The following MED13 variants were observed in gnomAD, a reference collection of about 807,000 sequenced individuals.
MED13 encodes the protein mediator of RNA polymerase II transcription subunit 13.
A neutral mutation model predicts 225.2 loss-of-function variants in MED13; 23 were observed. The ratio of observed to expected loss-of-function variants is 0.10; its 90% CI spans 0.07 to 0.14. The LOEUF is 0.14. Among genes scored for constraint, MED13 ranks in the 10% least tolerant of loss-of-function variants. The pLI is 1.00. For missense variants in MED13, 2,197 were observed against 2,594.5 expected (o/e 0.85, Z 3.33); for synonymous variants, 942 against 889.2 (o/e 1.06, Z -1.06).
chr17:62,023,964 T>A (rs753603056), intron 8 of MED13, among the ~76,000 whole-genome samples: 1 of 152,230 alleles, frequency 6.6e-6, no homozygotes, highest in Non-Finnish European at 1.5e-5. Flanking sequence ...ATGTAAAATT[T>A]TAGCATATTA....
At chr17:62,029,746 G>T in intron 7 of MED13, 95 bp from the exon 8 acceptor site, 1 of 1,500,356 alleles carries the variant, frequency 6.7e-7, no homozygotes, top group Non-Finnish European at 9.1e-7. Flanking sequence ...TCAACATTAT[G>T]AGTTAAAGAA....
rs2079838970 is a variant in MED13 at position 61,944,612 on chromosome 17, G to GTT, written c.*1854_*1855dup. The GTT allele has an allele frequency of 3.9e-5, 6 of 151,932 alleles. No individual in the cohort carries two copies. The highest frequency in any genetic ancestry group is 3.9e-4 in the Admixed American group (6 of 15,236). The allele number at this position is 151,932 out of a possible 1,614,324, so 9.4% of individuals were successfully genotyped here. A position where few individuals can be genotyped will look rare whatever the true frequency, so the allele number is the denominator to read the frequency against. ...GTTTTCATATACACAATCTGAAGAA[G>GTT]TTATGTTGTTCATAAGAAAGTGATA... is the stretch of plus-strand genomic sequence containing the variant. On this transcript the variant is annotated 3_prime_UTR_variant, in exon 30 of 30. Transcript: ENST00000397786.
intron 8 of MED13, among the ~76,000 whole-genome samples, chr17:62,016,954 T>C (rs534912538): frequency 3.3e-5 from 5 of 151,778 alleles, no homozygotes; most frequent in Admixed American, 2.0e-4. Flanking sequence ...AGGTTGCAAG[T>C]GAGCCAAGAT....
intron 15 of MED13, 41 bp downstream of exon 15, chr17:61,984,130 G>T: frequency 7.5e-7 from 1 of 1,329,842 alleles, no homozygotes; most frequent in Non-Finnish European, 9.9e-7. Flanking sequence ...AATTAAAGCT[G>T]TATAAGCAGT....
At chr17:61,957,013 A>G (rs918452357) in intron 23 of MED13, among the ~76,000 whole-genome samples, 5 of 152,168 alleles carry the variant, frequency 3.3e-5, no homozygotes, top group Non-Finnish European at 7.4e-5. Context: ...TTGTCTATAA[A>G]ACACCTCAAT....
chr17:62,044,609 G>A (rs1347431563), intron 3 of MED13, among the ~76,000 whole-genome samples: 1 of 152,094 alleles, frequency 6.6e-6, no homozygotes, highest in Admixed American at 6.6e-5. Context: ...ATGTCTATAT[G>A]TATACACATA....
At chr17:62,063,358 A>C (rs1194792905) in intron 1 of MED13, 57 bp from the exon 2 acceptor site, 1 of 1,096,772 alleles carries the variant, frequency 9.1e-7, no homozygotes, top group Non-Finnish European at 1.4e-6. Context: ...AGTCAAAAGT[A>C]CTCAATATGA....
intron 11 of MED13, among the ~76,000 whole-genome samples, chr17:61,992,226 T>C (rs2080305736): frequency 6.6e-6 from 1 of 152,214 alleles, no homozygotes; most frequent in African/African-American, 2.4e-5. Context: ...GCCTTCATTC[T>C]TTTACTTCCT....
intron 20 of MED13, among the ~76,000 whole-genome samples, chr17:61,963,215 A>C (rs943940226): frequency 6.9e-6 from 1 of 144,118 alleles, no homozygotes; most frequent in African/African-American, 2.7e-5. Flanking sequence ...AAAAAAAAAA[A>C]AAAAAAAAAA....
rs2080336675 is a variant in MED13 at position 61,995,168 on chromosome 17, G to A, written c.2165C>T (p.Ala722Val). Residue 722 changes from alanine (A) to valine (V), a missense_variant, in exon 10 of 30, where the codon GCT becomes GTT. By Grantham distance (64) the Ala-to-Val change is moderately conservative. This residue lies in a region of MED13 where 884 missense variants were observed against 918.5 expected (regional missense o/e 0.96). Transcript: ENST00000397786. ...KKDRQNSERE[A>V]GKKHKVEDGT... is the part of the protein sequence containing the mutation. ...TTCTCTTACCTTGTGTTTTTTTCCA[G>A]CTTCTCTCTCACTATTTTGTCTATC... 1 of 1,612,306 alleles carries A rather than the reference G, an allele frequency of 6.2e-7. No homozygotes were observed. Among genetic ancestry groups the A allele is most frequent in the Non-Finnish European group, 8.5e-7 (1 of 1,179,294 alleles).
At chr17:61,964,796 C>T (rs1200155221) in intron 20 of MED13, among the ~76,000 whole-genome samples, 2 of 151,836 alleles carry the variant, frequency 1.3e-5, no homozygotes, top group African/African-American at 2.4e-5. Flanking sequence ...ATTAGCCAGG[C>T]GTGGTGGCAC....
chr17:61,965,110 C>T lies in MED13; in HGVS notation c.4740G>A (p.Gln1580=), dbSNP rs765323702. The T allele has an allele frequency of 6.2e-7, 1 of 1,614,192 alleles. No homozygotes were observed. The highest frequency in any genetic ancestry group is 1.1e-5 in the South Asian group (1 of 91,082). Residue 1580 remains glutamine (Q), a synonymous_variant, in exon 20 of 30, where the codon CAG becomes CAA. Coordinates refer to ENST00000397786, the MANE Select transcript of MED13 (RefSeq NM_005121.3). ...TCTGTTGCCCTCCTAGCTGACCACTCTGAACTGTATTTGCTTGTGTAGACA... is the reference window on the plus strand; with the variant it reads ...TCTGTTGCCCTCCTAGCTGACCACTTTGAACTGTATTTGCTTGTGTAGACA... ...GSMSTQANTV[Q]SGQLGGQQTS... is the part of the protein sequence containing the mutation.
chr17:62,051,558 A>T (rs563662946), intron 3 of MED13, among the ~76,000 whole-genome samples: 1 of 152,352 alleles, frequency 6.6e-6, no homozygotes, highest in South Asian at 2.1e-4. Context: ...ATTTTCAAAG[A>T]GGAAAAAAAA....
At chr17:61,957,503 C>A (rs556492715) in intron 23 of MED13, among the ~76,000 whole-genome samples, 85 of 151,968 alleles carry the variant, frequency 5.6e-4, no homozygotes, top group Non-Finnish European at 1.1e-3. Flanking sequence ...GCGCCCGCCA[C>A]CACACCCGGC....
intron 3 of MED13, among the ~76,000 whole-genome samples, chr17:62,046,967 C>T (rs1213406508): frequency 6.6e-6 from 1 of 151,628 alleles, no homozygotes; most frequent in Non-Finnish European, 1.5e-5. Context: ...GTGATCCTCC[C>T]ACCTCAGTCT....
intron 23 of MED13, among the ~76,000 whole-genome samples, chr17:61,959,006 T>G (rs1034947145): frequency 2.0e-5 from 3 of 149,198 alleles, no homozygotes; most frequent in Admixed American, 6.7e-5. Flanking sequence ...CTGCCCCTCT[T>G]TTTTTTTTTT....
chr17:61,965,465 G>A lies in MED13; in HGVS notation c.4385C>T (p.Pro1462Leu), dbSNP rs764452057. 2.5e-6 allele frequency: 4 copies of A among 1,603,786 alleles called. No homozygotes were observed. The East Asian group carries it at 8.9e-5, about 36-fold the overall frequency. The stretch of plus-strand genomic sequence containing the variant: ...GTCCAATGGCAGGGAAGCAAGATAA[G>A]GACCTAAAGAATAAAAACAGGTACG... ...YAQVCRYDLGPYLASLPLDSS... is the reference protein window; with the variant it reads ...YAQVCRYDLGLYLASLPLDSS... Residue 1462 changes from proline to leucine, a missense_variant, in exon 20 of 30, where the codon CCT (proline) becomes CTT (leucine). Physicochemically the swap from Pro to Leu is moderately conservative, Grantham distance 98. Transcript: ENST00000397786.
chr17:62,012,822 C>G (rs2080524841), intron 8 of MED13, among the ~76,000 whole-genome samples: 1 of 150,804 alleles, frequency 6.6e-6, no homozygotes, highest in African/African-American at 2.4e-5. Flanking sequence ...GAGACCGAGT[C>G]TCACTCTGTT....
At chr17:61,978,609 C>A (rs1056269745) in intron 16 of MED13, among the ~76,000 whole-genome samples, 3 of 152,046 alleles carry the variant, frequency 2.0e-5, no homozygotes. Context: ...TTTAAGAAAT[C>A]AAGGCACAGA....
Sources: gnomAD v4.1 joint callset for allele counts (sites outside exome capture counted in the v4.1 genomes callset) on GRCh38, gnomAD v4.1.1 for gene constraint, gnomAD v4.1.1 regional missense constraint, MANE v1.5 for transcripts, NCBI Gene and HGNC (gene_info 2026-07-23, HGNC 2026-07-21) for gene names.